The following ARHGAP6 variants were observed in gnomAD, a reference collection of about 807,000 sequenced individuals.
ARHGAP6 encodes rho GTPase-activating protein 6.
A neutral mutation model predicts 55.7 loss-of-function variants in ARHGAP6; 16 were observed. That is an observed-to-expected ratio of 0.29 (90% CI 0.19 to 0.44). The LOEUF (loss-of-function observed/expected upper bound fraction) is 0.44. Ranked by LOEUF, ARHGAP6 falls within the 20% of genes least tolerant of loss-of-function variation. The pLI is 1.00. For synonymous variants in ARHGAP6, 382 were observed against 360.9 expected, an observed-to-expected ratio of 1.06 and a Z score of -0.66; for missense variants, 698 against 808.9, an observed-to-expected ratio of 0.86 and a Z score of 1.66.
intron 1 of ARHGAP6, among the ~76,000 whole-genome samples, chrX:11,509,474 T>C (rs56974947): frequency 0.084 from 9,320 of 111,123 alleles, 443 homozygotes; most frequent in East Asian, 0.18. Context: ...ATCAAATTAT[T>C]TCCAAGTTGG....
intron 2 of ARHGAP6, among the ~76,000 whole-genome samples, chrX:11,232,568 G>A (rs2047148578): frequency 8.9e-6 from 1 of 111,841 alleles, no homozygotes; most frequent in Admixed American, 9.5e-5. Flanking sequence ...AGGAGGTAGA[G>A]GTTACAGTGA....
intron 8 of ARHGAP6, among the ~76,000 whole-genome samples, chrX:11,174,201 A>G (rs1409180496): frequency 9.0e-6 from 1 of 111,701 alleles, no homozygotes; most frequent in Non-Finnish European, 1.9e-5. Context: ...TCCCATCCCA[A>G]TGCTGTGCTT....
intron 1 of ARHGAP6, among the ~76,000 whole-genome samples, chrX:11,506,646 A>G (rs1156843581): frequency 6.3e-5 from 7 of 111,817 alleles, no homozygotes; most frequent in African/African-American, 1.3e-4. Context: ...TCATTGATGG[A>G]CATTTGGGTT....
intron 2 of ARHGAP6, among the ~76,000 whole-genome samples, chrX:11,207,974 T>C (rs940961381): frequency 9.0e-6 from 1 of 111,097 alleles, no homozygotes; most frequent in Non-Finnish European, 1.9e-5. Context: ...AACTACACAA[T>C]AGTCATCAAT....
At position 11,419,235 on chromosome X, in the gene ARHGAP6, C is replaced by G. The variant is rs767719671; in HGVS notation, c.589-164528G>C. ...GTGTTGCTAATTGCTGGGTGCTTCA[C>G]CACTCACCGTTGGTTCCTTTAAACC... is the stretch of plus-strand genomic sequence containing the variant. On this transcript the variant is annotated intron_variant, in intron 1 of 12. Transcript: ENST00000337414. Among the ~76,000 whole-genome samples the G allele has an allele frequency of 2.2e-4, 25 of 112,302 alleles. 1 individual carries two copies. Among genetic ancestry groups the G allele is most frequent in the African/African-American group, 7.8e-4 (24 of 30,888 alleles).
intron 1 of ARHGAP6, among the ~76,000 whole-genome samples, chrX:11,311,285 C>A (rs2147600816): frequency 8.9e-6 from 1 of 112,126 alleles, no homozygotes; most frequent in East Asian, 2.8e-4. Context: ...ATTACAGTTA[C>A]TGACATTTTA....
intron 1 of ARHGAP6, among the ~76,000 whole-genome samples, chrX:11,503,855 CACACACAAAG>C (rs1165566861): frequency 5.2e-5 from 5 of 96,508 alleles, no homozygotes; most frequent in Non-Finnish European, 8.1e-5. Flanking sequence ...CACACACACA[CACACACAAAG>C]AGACACACAT....
At chrX:11,381,640 C>T (rs1603154159) in intron 1 of ARHGAP6, among the ~76,000 whole-genome samples, 1 of 111,740 alleles carries the variant, frequency 8.9e-6, no homozygotes, top group East Asian at 2.8e-4. Flanking sequence ...TTAGTTTTTC[C>T]TTTTGCCACC....
intron 10 of ARHGAP6, among the ~76,000 whole-genome samples, chrX:11,146,545 C>A (rs1034073682): frequency 8.0e-5 from 9 of 112,709 alleles, no homozygotes. Flanking sequence ...GTACACATGG[C>A]AAGCAGTTTG....
chrX:11,347,384 T>C (rs2048802751), intron 1 of ARHGAP6, among the ~76,000 whole-genome samples: 1 of 112,172 alleles, frequency 8.9e-6, no homozygotes, highest in African/African-American at 3.2e-5. Flanking sequence ...TATAAGACTC[T>C]ATTATTTCCA....
intron 2 of ARHGAP6, among the ~76,000 whole-genome samples, chrX:11,218,203 A>G (rs1435951043): frequency 9.0e-6 from 1 of 111,567 alleles, no homozygotes; most frequent in African/African-American, 3.3e-5. Flanking sequence ...AGGCTCTTTT[A>G]TGGTTCCATA....
intron 1 of ARHGAP6, among the ~76,000 whole-genome samples, chrX:11,598,734 A>G (rs1357100684): frequency 1.8e-5 from 2 of 112,195 alleles, no homozygotes; most frequent in African/African-American, 6.5e-5. Context: ...CCACATTTTT[A>G]TATTCTAAAT....
At chrX:11,630,333 T>C (rs957134201) in intron 1 of ARHGAP6, among the ~76,000 whole-genome samples, 3 of 112,000 alleles carry the variant, frequency 2.7e-5, no homozygotes, top group African/African-American at 9.7e-5. Context: ...AGGCTACTTG[T>C]AAAAGCAAGA....
intron 1 of ARHGAP6, 151 bp from the exon 2 acceptor site, chrX:11,254,858 T>C: frequency 1.5e-6 from 1 of 671,182 alleles, no homozygotes; most frequent in South Asian, 4.2e-5. Flanking sequence ...AATCCTCTTT[T>C]AGTTCACTGT....
At chrX:11,249,435 AAATAC>A (rs1160575659) in intron 2 of ARHGAP6, among the ~76,000 whole-genome samples, 112 of 111,773 alleles carry the variant, frequency 1.0e-3, no homozygotes, top group African/African-American at 3.5e-3. Flanking sequence ...ATAAATAAAT[AAATAC>A]AATTTAGACA....
chrX:11,478,705 T>C (rs1218719440), intron 1 of ARHGAP6, among the ~76,000 whole-genome samples: 1 of 112,186 alleles, frequency 8.9e-6, no homozygotes, highest in African/African-American at 3.2e-5. Flanking sequence ...AAAAATAAAA[T>C]TTGAAGCCAG....
intron 1 of ARHGAP6, among the ~76,000 whole-genome samples, chrX:11,284,569 A>G (rs920016535): frequency 4.5e-5 from 5 of 111,993 alleles, no homozygotes; most frequent in Non-Finnish European, 9.4e-5. Flanking sequence ...TCTTTGGAAC[A>G]CCAAAGTATC....
chrX:11,590,869 G>GAAAGAAGGAAAGAAA lies in ARHGAP6; in HGVS notation c.588+73371_588+73372insTTTCTTTCCTTCTTT, dbSNP rs2051813205. 8.7e-4 allele frequency among the ~76,000 whole-genome samples: 21 copies of GAAAGAAGGAAAGAAA among 24,218 alleles called. 4 individuals are homozygous for GAAAGAAGGAAAGAAA. The highest frequency in any genetic ancestry group is 4.0e-3 in the African/African-American group (19 of 4,710). The allele number at this position is 24,218 out of a possible 115,157, so 21.0% of individuals were successfully genotyped here. On this transcript the variant is annotated intron_variant, in intron 1 of 12. Transcript: ENST00000337414. ...AAGAAAAGAAAAGAAAAGAAAAGAA[G>GAAAGAAGGAAAGAAA]GAAAGAAAGAAAGAAAGAAAGAAAG...
rs1448838767 is a variant in ARHGAP6 at position 11,174,637 on chromosome X, T to G, written c.1629+3463A>C. Among the ~76,000 whole-genome samples, 37 of 67,051 alleles carry G rather than the reference T, an allele frequency of 5.5e-4. 1 individual carries two copies. Among genetic ancestry groups the G allele is most frequent in the African/African-American group, 2.3e-3 (35 of 15,078 alleles). 58.2% of individuals were successfully genotyped at this position (67,051 alleles called of 115,157 possible). A position where few individuals can be genotyped will look rare whatever the true frequency, so the allele number is the denominator to read the frequency against. On this transcript the variant is annotated intron_variant, in intron 8 of 12. Transcript: ENST00000337414. The stretch of plus-strand genomic sequence containing the variant: ...CTTTCTCTTTCTTTTCTTTCTTTCT[T>G]TCTTTCTTTCTTTCTTTCTTTCTTT...
Sources: gnomAD v4.1 joint callset for allele counts (sites outside exome capture counted in the v4.1 genomes callset) on GRCh38, gnomAD v4.1.1 for gene constraint, MANE v1.5 for transcripts, NCBI Gene and HGNC (gene_info 2026-07-23, HGNC 2026-07-21) for gene names.